PTPRD: variants seen among roughly 807,000 people sequenced by gnomAD.
PTPRD encodes the protein receptor-type tyrosine-protein phosphatase delta.
Under a neutral mutation model 214.5 loss-of-function variants are expected in PTPRD, and 34 were observed. The observed-to-expected ratio is 0.16, with a 90% CI of 0.12 to 0.21. PTPRD has a LOEUF of 0.21. Among genes scored for constraint, PTPRD ranks in the 10% least tolerant of loss-of-function variants. The pLI, the probability that PTPRD is intolerant of heterozygous loss-of-function variation, is 1.00. For missense variants in PTPRD, 2,545 were observed against 2,398.7 expected, an observed-to-expected ratio of 1.06 and a Z score of -1.27; for synonymous variants, 1,128 against 845.7, an observed-to-expected ratio of 1.33 and a Z score of -5.79.
At chr9:9,810,609 GA>G (rs879878025) in intron 5 of PTPRD, among the ~76,000 whole-genome samples, 2,328 of 132,018 alleles carry the variant, frequency 0.018, 21 homozygotes, top group Non-Finnish European at 0.022. Context: ...TTGCTCAGAA[GA>G]AAAAAAAAAA....
Position 9,101,298 on chromosome 9 carries a change from T to C in PTPRD, c.-143+82006A>G, listed in dbSNP as rs930163457. 5.3e-5 allele frequency among the ~76,000 whole-genome samples: 8 copies of C among 152,158 alleles called. No homozygotes were observed. The East Asian group carries it at 1.2e-3, about 22-fold the overall frequency. ...ATTCATTGCTGGAAGAAATTTGGGA[T>C]ATTAGGTAGATAGTAGTTTCTTATT... On this transcript the variant is annotated intron_variant, in intron 10 of 45. Transcript: ENST00000381196.
chr9:9,237,361 T>G (rs916511999), intron 9 of PTPRD, among the ~76,000 whole-genome samples: 5 of 152,102 alleles, frequency 3.3e-5, no homozygotes, highest in African/African-American at 1.2e-4. Context: ...GCCCAGGAAT[T>G]TAAGGCTGCA....
At chr9:9,715,318 C>A (rs376769007) in intron 7 of PTPRD, among the ~76,000 whole-genome samples, 2 of 152,108 alleles carry the variant, frequency 1.3e-5, no homozygotes, top group Admixed American at 1.3e-4. Context: ...GGTTGGCATA[C>A]AGTTAATGCT....
At chr9:9,311,915 A>G (rs1959131583) in intron 9 of PTPRD, among the ~76,000 whole-genome samples, 1 of 152,178 alleles carries the variant, frequency 6.6e-6, no homozygotes, top group Admixed American at 6.5e-5. Flanking sequence ...AATCTTGCAC[A>G]TTAACTTTTT....
intron 2 of PTPRD, among the ~76,000 whole-genome samples, chr9:10,395,954 T>TAA (rs1410982944): frequency 1.5e-5 from 2 of 134,310 alleles, no homozygotes; most frequent in African/African-American, 5.5e-5. Context: ...ATAGAGAGAA[T>TAA]GAGAGAGAGA....
intron 5 of PTPRD, among the ~76,000 whole-genome samples, chr9:9,778,244 G>T (rs528267623): frequency 6.6e-6 from 1 of 152,100 alleles, no homozygotes; most frequent in Non-Finnish European, 1.5e-5. Context: ...TCCCAGCCCC[G>T]AATGGCTCCT....
At chr9:8,530,937 T>C (rs1463453283) in intron 14 of PTPRD, among the ~76,000 whole-genome samples, 2 of 152,116 alleles carry the variant, frequency 1.3e-5, no homozygotes, top group African/African-American at 4.8e-5. Context: ...TAACACAGTC[T>C]GTGAAGGACC....
intron 11 of PTPRD, among the ~76,000 whole-genome samples, chr9:9,004,644 G>T (rs1004628997): frequency 4.6e-5 from 7 of 151,988 alleles, no homozygotes; most frequent in Non-Finnish European, 8.8e-5. Context: ...ATTTATGTTT[G>T]GATGATATAA....
intron 2 of PTPRD, among the ~76,000 whole-genome samples, chr9:10,597,800 G>T (rs1468785267): frequency 2.0e-5 from 3 of 151,770 alleles, no homozygotes; most frequent in Admixed American, 6.6e-5. Flanking sequence ...TAGAATGTCA[G>T]CAAGAAGCAT....
intron 5 of PTPRD, among the ~76,000 whole-genome samples, chr9:9,868,480 T>A (rs539712936): frequency 6.6e-6 from 1 of 151,986 alleles, no homozygotes; most frequent in Non-Finnish European, 1.5e-5. Flanking sequence ...TTTAAAGACA[T>A]TGTAGTCAAG....
At chr9:8,473,923 G>A (rs925430111) in intron 30 of PTPRD, among the ~76,000 whole-genome samples, 6 of 152,192 alleles carry the variant, frequency 3.9e-5, no homozygotes, top group Admixed American at 3.3e-4. Flanking sequence ...TTGAAATTCT[G>A]TATCATACAA....
intron 5 of PTPRD, among the ~76,000 whole-genome samples, chr9:9,906,207 A>G (rs2077527631): frequency 6.6e-6 from 1 of 151,964 alleles, no homozygotes; most frequent in Non-Finnish European, 1.5e-5. Flanking sequence ...TTTAAAGTAC[A>G]ACCAGTTTCA....
intron 4 of PTPRD, among the ~76,000 whole-genome samples, chr9:10,007,301 A>G (rs1011706170): frequency 2.0e-5 from 3 of 152,046 alleles, no homozygotes; most frequent in African/African-American, 7.2e-5. Context: ...TAAAGGACAT[A>G]AGTAGAGTTT....
intron 3 of PTPRD, among the ~76,000 whole-genome samples, chr9:10,187,184 GT>G (rs902500710): frequency 5.3e-5 from 8 of 151,744 alleles, no homozygotes; most frequent in African/African-American, 1.7e-4. Context: ...AAAATGCTGT[GT>G]TTTTTTTAAC....
At chr9:9,947,550 ATTATATATATATT>A (rs1286336366) in intron 4 of PTPRD, among the ~76,000 whole-genome samples, 1 of 37,888 alleles carries the variant, frequency 2.6e-5, no homozygotes, top group Non-Finnish European at 4.0e-5. Flanking sequence ...TAATATATAT[ATTATATATATATT>A]TTATATATAT....
At chr9:9,693,312 A>G (rs1033916468) in intron 7 of PTPRD, among the ~76,000 whole-genome samples, 1 of 152,108 alleles carries the variant, frequency 6.6e-6, no homozygotes, top group Non-Finnish European at 1.5e-5. Flanking sequence ...GGTTTCCCGC[A>G]TAATGTTCTC....
At chr9:8,995,144 AAGG>A (rs2099391691) in intron 11 of PTPRD, among the ~76,000 whole-genome samples, 2 of 152,084 alleles carry the variant, frequency 1.3e-5, no homozygotes, top group African/African-American at 4.8e-5. Context: ...ATTTTTTTAA[AAGG>A]AGGAGAAACT....
At chr9:9,608,957 T>C (rs1322583115) in intron 7 of PTPRD, among the ~76,000 whole-genome samples, 3 of 152,200 alleles carry the variant, frequency 2.0e-5, no homozygotes, top group Non-Finnish European at 4.4e-5. Flanking sequence ...TTCTGATTCT[T>C]TATTTTTCCT....
chr9:10,320,476 G>C (rs892842864), intron 3 of PTPRD, among the ~76,000 whole-genome samples: 2 of 151,964 alleles, frequency 1.3e-5, no homozygotes, highest in Non-Finnish European at 1.5e-5. Flanking sequence ...CATGTGCTTG[G>C]TAGGCACCTT....
Sources: gnomAD v4.1 joint callset for allele counts (sites outside exome capture counted in the v4.1 genomes callset) on GRCh38, gnomAD v4.1.1 for gene constraint, MANE v1.5 for transcripts, NCBI Gene and HGNC (gene_info 2026-07-23, HGNC 2026-07-21) for gene names.